The following ZNF558 variants were observed in gnomAD, a reference collection of about 807,000 sequenced individuals.
ZNF558 encodes the protein zinc finger protein 558.
Under a neutral mutation model 37.6 loss-of-function variants are expected in ZNF558, and 23 were observed. That is an observed-to-expected ratio of 0.61 (90% CI 0.44 to 0.87). ZNF558 has a LOEUF of 0.87. Among genes scored for constraint, ZNF558 ranks in the 40% least tolerant of loss-of-function variants. ZNF558 has a pLI of 0.00. For synonymous variants in ZNF558, 189 were observed against 174.4 expected, an observed-to-expected ratio of 1.08 and a Z score of -0.66; for missense variants, 429 against 483.7, an observed-to-expected ratio of 0.89 and a Z score of 1.06.
chr19:8,828,359 G>GAGACCCC (rs1180397559), intron 2 of ZNF558, among the ~76,000 whole-genome samples: 1 of 152,202 alleles, frequency 6.6e-6, no homozygotes, highest in Non-Finnish European at 1.5e-5. Flanking sequence ...TGCTGGCTCA[G>GAGACCCC]AGACCCCAGA....
upstream of ZNF558, among the ~76,000 whole-genome samples, chr19:8,835,049 T>G (rs924480941): frequency 7.5e-6 from 1 of 132,838 alleles, no homozygotes; most frequent in African/African-American, 2.8e-5. Context: ...GAACAAAGAG[T>G]TTTTTTTTTT....
At chr19:8,827,339 T>C (rs1422721503) in intron 2 of ZNF558, among the ~76,000 whole-genome samples, 7 of 152,152 alleles carry the variant, frequency 4.6e-5, no homozygotes, top group African/African-American at 7.2e-5. Context: ...GGAGCAATCA[T>C]CTGATTCCTA....
chr19:8,827,865 C>T (rs958661040), intron 2 of ZNF558, among the ~76,000 whole-genome samples: 8 of 152,084 alleles, frequency 5.3e-5, no homozygotes, highest in South Asian at 2.1e-4. Context: ...TGAGCCACTG[C>T]GCCCAGCTTC....
intron 2 of ZNF558, among the ~76,000 whole-genome samples, chr19:8,827,571 CTTTTTTTTT>C (rs386388513): frequency 1.1e-5 from 1 of 94,080 alleles, no homozygotes; most frequent in Admixed American, 1.4e-4. Context: ...TTTCCCTATT[CTTTTTTTTT>C]TTTTTTTTTT....
chr19:8,827,820 C>T (rs981232855), intron 2 of ZNF558, among the ~76,000 whole-genome samples: 3 of 152,038 alleles, frequency 2.0e-5, no homozygotes, highest in Non-Finnish European at 2.9e-5. Context: ...GTGATCAGCC[C>T]ACCTTGGTCT....
At chr19:8,821,136 C>T (rs1274379661) in intron 7 of ZNF558, 44 bp downstream of exon 7, 1 of 1,604,714 alleles carries the variant, frequency 6.2e-7, no homozygotes. Flanking sequence ...GCAAGTGTTG[C>T]CACTGGAGTC....
intron 9 of ZNF558, 36 bp downstream of exon 9, chr19:8,812,525 C>T (rs782537160): frequency 7.0e-7 from 1 of 1,424,854 alleles, no homozygotes; most frequent in Non-Finnish European, 9.4e-7. Flanking sequence ...CATTCTCCTA[C>T]TGTAGAAAAC....
intron 2 of ZNF558, among the ~76,000 whole-genome samples, chr19:8,826,656 C>A (rs1040422004): frequency 6.6e-6 from 1 of 152,120 alleles, no homozygotes; most frequent in African/African-American, 2.4e-5. Context: ...TCTTGCTGTG[C>A]AGCCCTGTTT....
At chr19:8,826,468 A>G (rs2044233586) in intron 2 of ZNF558, among the ~76,000 whole-genome samples, 1 of 151,744 alleles carries the variant, frequency 6.6e-6, no homozygotes, top group Non-Finnish European at 1.5e-5. Flanking sequence ...CAGGAATTAG[A>G]TTCTCCTAAG....
At chr19:8,819,001 C>T (rs1268941408) in intron 7 of ZNF558, among the ~76,000 whole-genome samples, 1 of 152,168 alleles carries the variant, frequency 6.6e-6, no homozygotes. Context: ...TTCTCCACAC[C>T]ATAAGCAAAA....
upstream of ZNF558, among the ~76,000 whole-genome samples, chr19:8,834,611 A>T (rs1265068266): frequency 6.6e-6 from 1 of 151,574 alleles, no homozygotes; most frequent in African/African-American, 2.4e-5. Context: ...CATCAAAAAA[A>T]AAAAACAAAC....
chr19:8,821,698 C>T (rs2044095844), intron 6 of ZNF558: 2 of 1,304,862 alleles, frequency 1.5e-6, no homozygotes, highest in African/African-American at 1.5e-5. Context: ...AAGTGAATGA[C>T]TGATTTCCGT....
chr19:8,834,552 G>A (rs570185812), upstream of ZNF558, among the ~76,000 whole-genome samples: 268 of 148,736 alleles, frequency 1.8e-3, 1 homozygote, highest in Middle Eastern at 3.5e-3. Context: ...AGATTGCAGT[G>A]AGCCGAGATC....
chr19:8,814,369 T>C lies in ZNF558; in HGVS notation c.248-1147A>G, dbSNP rs150948914. 4.6e-3 allele frequency among the ~76,000 whole-genome samples: 701 copies of C among 152,278 alleles called. 7 individuals are homozygous for C. Among genetic ancestry groups the C allele is most frequent in the Non-Finnish European group, 7.8e-3 (529 of 68,030 alleles). On this transcript the variant is annotated intron_variant, in intron 7 of 9. Transcript: ENST00000601372. The stretch of plus-strand genomic sequence containing the variant: ...CAAATTCTTTCAGGACTGAGCTGGT[T>C]ACCTGGAACACACGTGATCGACAGA...
At position 8,822,156 on chromosome 19, in the gene ZNF558, T is replaced by C; in HGVS notation, c.32-65A>G. On this transcript the variant is annotated intron_variant, in intron 5 of 9. Transcript: ENST00000601372. The surrounding 1 kb of genome is among the most constrained non-coding windows in gnomAD (Gnocchi z 4.4). The stretch of plus-strand genomic sequence containing the variant: ...CTGACACCCACAGATCTGCCCCTGA[T>C]TGACCACACCCACCTCCCACACCCA... The C allele has an allele frequency of 1.3e-6, 2 of 1,598,720 alleles. No homozygotes were observed. The highest frequency in any genetic ancestry group is 1.7e-6 in the Non-Finnish European group (2 of 1,169,572).
chr19:8,818,928 G>A (rs2044010988), intron 7 of ZNF558, among the ~76,000 whole-genome samples: 1 of 152,120 alleles, frequency 6.6e-6, no homozygotes, highest in African/African-American at 2.4e-5. Flanking sequence ...CATTTGATGG[G>A]GAAAGAATAA....
chr19:8,822,892 G>T lies in ZNF558; in HGVS notation c.-65-168C>A. ...GGCAATGAATTCAGGGCCACCTGAT[G>T]GAAAACTTGCCTTCCTCTGTCCCCA... On this transcript the variant is annotated intron_variant, in intron 4 of 9. Coordinates refer to ENST00000601372, the MANE Select transcript of ZNF558 (RefSeq NM_144693.3). This position sits in a 1 kb window ranked among gnomAD's most constrained non-coding sequence, Gnocchi z 4.4. The T allele has an allele frequency of 1.6e-6, 1 of 625,282 alleles. No individual in the cohort carries two copies. The highest frequency in any genetic ancestry group is 2.8e-6 in the Non-Finnish European group (1 of 362,544). 38.7% of individuals were successfully genotyped at this position (625,282 alleles called of 1,614,324 possible).
At chr19:8,815,797 A>G (rs192085962) in intron 7 of ZNF558, among the ~76,000 whole-genome samples, 7 of 148,046 alleles carry the variant, frequency 4.7e-5, no homozygotes, top group African/African-American at 1.7e-4. Flanking sequence ...CTCAAAGATA[A>G]AGAGAGAGAG....
chr19:8,819,306 G>A (rs560789050), intron 7 of ZNF558, among the ~76,000 whole-genome samples: 5 of 152,112 alleles, frequency 3.3e-5, no homozygotes, highest in African/African-American at 9.6e-5. Context: ...TCAGCCTCCC[G>A]AGTAGGTGGG....
Sources: gnomAD v4.1 joint callset for allele counts (sites outside exome capture counted in the v4.1 genomes callset) on GRCh38, gnomAD v4.1.1 for gene constraint, Gnocchi (gnomAD v3.1) non-coding constraint, MANE v1.5 for transcripts, NCBI Gene and HGNC (gene_info 2026-07-23, HGNC 2026-07-21) for gene names.